Variants in GFRA1 observed in about 807,000 individuals in gnomAD.
GFRA1 encodes GDNF family receptor alpha-1.
GFRA1 carries 16 observed loss-of-function variants against 51.6 expected under a neutral mutation model. The observed-to-expected ratio is 0.31, with a 90% CI of 0.21 to 0.47. GFRA1 has a LOEUF of 0.47. Among genes scored for constraint, GFRA1 ranks in the 20% least tolerant of loss-of-function variants. GFRA1 has a pLI of 1.00. For synonymous variants in GFRA1, 270 were observed against 241.3 expected (o/e 1.12, Z -1.10); for missense variants, 530 against 594.3 (o/e 0.89, Z 1.13).
chr10:116,129,246 A>T (rs1958004443), intron 5 of GFRA1, among the ~76,000 whole-genome samples: 1 of 152,214 alleles, frequency 6.6e-6, no homozygotes, highest in Non-Finnish European at 1.5e-5. Context: ...TAATAGACTG[A>T]TATTGCTTAC....
chr10:116,271,956 A>G, intron 2 of GFRA1, 34 bp downstream of exon 2: 1 of 1,530,954 alleles, frequency 6.5e-7, no homozygotes, highest in Non-Finnish European at 8.9e-7. Context: ...AAAGACTCAG[A>G]GGGTAAGAAA....
chr10:116,098,762 G>A (rs923735085), intron 6 of GFRA1, among the ~76,000 whole-genome samples: 2 of 152,188 alleles, frequency 1.3e-5, no homozygotes, highest in East Asian at 3.9e-4. Context: ...GTCCTTCAGC[G>A]AGAGACTAAT....
intron 5 of GFRA1, among the ~76,000 whole-genome samples, chr10:116,168,044 A>G (rs1960659725): frequency 6.6e-6 from 1 of 152,206 alleles, no homozygotes; most frequent in South Asian, 2.1e-4. Flanking sequence ...ATTCACTGCT[A>G]TAAAATTCAT....
At chr10:116,169,364 G>A (rs1049084571) in intron 5 of GFRA1, among the ~76,000 whole-genome samples, 5 of 152,240 alleles carry the variant, frequency 3.3e-5, no homozygotes, top group Admixed American at 2.0e-4. Context: ...GGTAGAAGAT[G>A]GTGGGGTCCC....
At chr10:116,069,482 G>A (rs1955274429) in intron 9 of GFRA1, among the ~76,000 whole-genome samples, 1 of 152,094 alleles carries the variant, frequency 6.6e-6, no homozygotes, top group Non-Finnish European at 1.5e-5. Context: ...AGGGAAACCT[G>A]TTTTTTAGGC....
intron 5 of GFRA1, among the ~76,000 whole-genome samples, chr10:116,199,970 A>C (rs1461939864): frequency 6.6e-6 from 1 of 152,200 alleles, no homozygotes; most frequent in Non-Finnish European, 1.5e-5. Flanking sequence ...AACCATATAG[A>C]ATGTTGCCCT....
chr10:116,234,952 A>G (rs111450312), intron 4 of GFRA1, among the ~76,000 whole-genome samples: 9,246 of 152,176 alleles, frequency 0.061, 848 homozygotes, highest in African/African-American at 0.2. Flanking sequence ...CCTTTTGTTC[A>G]GCACTTGTCC....
intron 4 of GFRA1, among the ~76,000 whole-genome samples, chr10:116,232,055 A>G (rs544168496): frequency 1.3e-5 from 2 of 152,310 alleles, no homozygotes; most frequent in South Asian, 2.1e-4. Flanking sequence ...TTCTTCCTCA[A>G]TGGCTTACAT....
Position 116,093,799 on chromosome 10 carries a change from G to T in GFRA1, c.918C>A (p.Ser306Arg). The T allele has an allele frequency of 6.2e-7, 1 of 1,613,926 alleles. No homozygotes were observed. Among genetic ancestry groups the T allele is most frequent in the East Asian group, 2.2e-5 (1 of 44,888 alleles). Reference sequence around the variant, plus strand: ...AGTCACACCATGGGGCCACACTGAGGCTACTGGAGTCTATGTAGTTGGGGG... The same window carrying T: ...AGTCACACCATGGGGCCACACTGAGTCTACTGGAGTCTATGTAGTTGGGGG... ...VMTPNYIDSS[S>R]LSVAPWCDCS... The change falls in exon 8 of 11, where the codon AGC (serine) becomes AGA (arginine). Residue 306 changes from serine to arginine, a missense_variant. Coordinates refer to ENST00000355422, the MANE Select transcript of GFRA1 (RefSeq NM_005264.8).
At chr10:116,071,204 G>T (rs1181970432) in intron 9 of GFRA1, among the ~76,000 whole-genome samples, 1 of 152,192 alleles carries the variant, frequency 6.6e-6, no homozygotes, top group African/African-American at 2.4e-5. Context: ...GGCTGGAGTA[G>T]CCCTGGGTGA....
chr10:116,262,344 C>A (rs1969357069), intron 4 of GFRA1, among the ~76,000 whole-genome samples: 1 of 152,172 alleles, frequency 6.6e-6, no homozygotes, highest in South Asian at 2.1e-4. Context: ...CAGATACTAG[C>A]ATGTCCTGTA....
At chr10:116,274,632 G>GT (rs1844152485), upstream of GFRA1, among the ~76,000 whole-genome samples, 1 of 152,140 alleles carries the variant, frequency 6.6e-6, no homozygotes, top group Non-Finnish European at 1.5e-5. Flanking sequence ...CTCGGGGCGC[G>GT]CCCCAAACCC....
chr10:116,149,762 A>G (rs1302147416), intron 5 of GFRA1, among the ~76,000 whole-genome samples: 1 of 152,160 alleles, frequency 6.6e-6, no homozygotes, highest in African/African-American at 2.4e-5. Context: ...AAAAACAAGT[A>G]CCAGTCCCTT....
At chr10:116,077,789 A>G (rs1955679361) in intron 9 of GFRA1, among the ~76,000 whole-genome samples, 2 of 152,226 alleles carry the variant, frequency 1.3e-5, no homozygotes, top group Non-Finnish European at 2.9e-5. Context: ...CCAGCACCTG[A>G]TGTCGGCAGG....
chr10:116,102,682 A>C (rs1426713978), intron 6 of GFRA1, among the ~76,000 whole-genome samples: 3 of 152,194 alleles, frequency 2.0e-5, no homozygotes, highest in African/African-American at 4.8e-5. Flanking sequence ...AAACCATCAG[A>C]TCTCATGAGA....
chr10:116,128,725 CAA>C (rs67642059), intron 5 of GFRA1, among the ~76,000 whole-genome samples: 3,620 of 87,476 alleles, frequency 0.041, 34 homozygotes, highest in South Asian at 0.072. Flanking sequence ...GACTCTGTCT[CAA>C]AAAAAAAAAA....
intron 9 of GFRA1, among the ~76,000 whole-genome samples, chr10:116,074,014 G>GAAAGT (rs916632402): frequency 5.3e-5 from 8 of 152,186 alleles, no homozygotes; most frequent in African/African-American, 1.7e-4. Flanking sequence ...AAATATTCTA[G>GAAAGT]AAAGTATAGG....
At chr10:116,250,876 C>T (rs546728966) in intron 4 of GFRA1, among the ~76,000 whole-genome samples, 1 of 152,332 alleles carries the variant, frequency 6.6e-6, no homozygotes, top group South Asian at 2.1e-4. Context: ...AGGGACCAGG[C>T]TCCCACCTTA....
rs564757895 is a variant in GFRA1, at chr10:116,267,268, C to T, written c.418+2235G>A. Among the ~76,000 whole-genome samples the T allele has an allele frequency of 3.3e-5, 5 of 152,264 alleles. No homozygotes were observed. The East Asian group carries it at 9.7e-4, about 29-fold the overall frequency. On this transcript the variant is annotated intron_variant, in intron 4 of 10. Transcript: ENST00000355422. The stretch of plus-strand genomic sequence containing the variant: ...TCTCTTGAGATCAGGTGTTCAAGAC[C>T]AGCCTGGCCAACATGGTGACATGTA...
Sources: gnomAD v4.1 joint callset for allele counts (sites outside exome capture counted in the v4.1 genomes callset) on GRCh38, gnomAD v4.1.1 for gene constraint, MANE v1.5 for transcripts, NCBI Gene and HGNC (gene_info 2026-07-23, HGNC 2026-07-21) for gene names.